Variants in ATM observed in about 807,000 individuals in gnomAD.
ATM encodes the protein ATM serine/threonine kinase.
A neutral mutation model predicts 387.0 loss-of-function variants in ATM; 308 were observed. The observed-to-expected ratio is 0.80, with a 90% CI of 0.73 to 0.87. The LOEUF is 0.87. Among genes scored for constraint, ATM ranks in the 40% least tolerant of loss-of-function variants. The pLI, the probability that ATM is intolerant of heterozygous loss-of-function variation, is 0.00. For missense variants in ATM, 3,312 were observed against 3,560.9 expected, an observed-to-expected ratio of 0.93 and a Z score of 1.78; for synonymous variants, 1,156 against 1,187.3, an observed-to-expected ratio of 0.97 and a Z score of 0.54.
chr11:108,280,100 T>C (rs1479960199), intron 23 of ATM, among the ~76,000 whole-genome samples: 2 of 152,206 alleles, frequency 1.3e-5, no homozygotes, highest in East Asian at 3.8e-4. Context: ...CCCTGGTTTG[T>C]TTCTTACAAG....
At position 108,227,827 on chromosome 11, in the gene ATM, C is replaced by CATCT; in HGVS notation, c.126_129dup (p.Asp44SerfsTer20). 1 of 1,613,602 alleles carries CATCT rather than the reference C, an allele frequency of 6.2e-7. No individual in the cohort carries two copies. The highest frequency in any genetic ancestry group is 2.2e-5 in the East Asian group (1 of 44,778). On this transcript the variant is annotated frameshift_variant, in exon 3 of 63. Coordinates refer to ENST00000675843, the MANE Select transcript of ATM (RefSeq NM_000051.4). LOFTEE classifies it high-confidence loss of function. ...GATTCGAGATCCTGAAACAATTAAA[C>CATCT]ATCTAGATCGGCATTCAGATTCCAA...
chr11:108,251,870 C>A lies in ATM; in HGVS notation c.1641C>A (p.Thr547=), dbSNP rs864622141. 7 of 1,613,778 alleles carry A rather than the reference C, an allele frequency of 4.3e-6. No individual in the cohort carries two copies. The highest frequency in any genetic ancestry group is 1.7e-5 in the Admixed American group (1 of 60,002). ...PAVCCLTLAL[T]TSIVPGTVKM... ...TATGCTGTTTGACTTTGGCACTGAC[C>A]ACCAGTATAGTTCCAGGAACGGTAA... Residue 547 remains threonine (T), a synonymous_variant, in exon 11 of 63, where the codon ACC becomes ACA. Transcript: ENST00000675843.
At chr11:108,271,453 G>A in intron 20 of ATM, 47 bp downstream of exon 20, 1 of 1,606,670 alleles carries the variant, frequency 6.2e-7, no homozygotes, top group African/African-American at 1.3e-5. Flanking sequence ...TGCTATCTGT[G>A]GATACGAATG....
Position 108,250,860 on chromosome 11 carries a change from T to G in ATM, c.1395T>G (p.Cys465Trp), listed in dbSNP as rs1240144277. The G allele has an allele frequency of 1.2e-6, 2 of 1,614,118 alleles. No homozygotes were observed. The highest frequency in any genetic ancestry group is 1.7e-6 in the Non-Finnish European group (2 of 1,180,018). Residue 465 changes from cysteine (C) to tryptophan (W), a missense_variant, in exon 10 of 63, where the codon TGT becomes TGG. By Grantham distance (215) the Cys-to-Trp change is radical (BLOSUM62 -2). Around this residue, in one of 4 missense-constraint regions of ATM, gnomAD observed 1,791 missense variants for 1,804.5 expected, o/e 0.99. Coordinates refer to ENST00000675843, the MANE Select transcript of ATM (RefSeq NM_000051.4). ...GATGCCTTACGGAAGTTGCATTGTGTCAAGACAAGAGGTCAAACCTAGAAA... is the reference window on the plus strand; with the variant it reads ...GATGCCTTACGGAAGTTGCATTGTGGCAAGACAAGAGGTCAAACCTAGAAA... ...VLRCLTEVAL[C>W]QDKRSNLESS...
In ATM at chr11:108,335,109, G is replaced by A. The variant is rs1591192550; in HGVS notation, c.8151G>A (p.Lys2717=). 3 of 1,613,980 alleles carry A rather than the reference G, an allele frequency of 1.9e-6. No individual in the cohort carries two copies. Among genetic ancestry groups the A allele is most frequent in the South Asian group, 1.1e-5 (1 of 91,082 alleles). ...SDGKERRQLV[K]GRDDLRQDAV... ...GCAAGGAGAGGAGACAGCTTGTTAA[G>A]GTGAGCCTTCCCTTCTCTGGCTTAG... is the stretch of plus-strand genomic sequence containing the variant. Residue 2717 remains lysine (K), a splice_region_variant and synonymous_variant, in exon 55 of 63, where the codon AAG becomes AAA. Transcript: ENST00000675843.
rs763068664 is a variant in ATM at position 108,330,239 on chromosome 11, C to A, written c.7333C>A (p.Leu2445Met). 6.2e-7 allele frequency: 1 copy of A among 1,614,136 alleles called. No individual in the cohort carries two copies. Among genetic ancestry groups the A allele is most frequent in the Non-Finnish European group, 8.5e-7 (1 of 1,180,012 alleles). The change falls in exon 50 of 63, where the codon CTG becomes ATG. Residue 2445 changes from leucine (L) to methionine (M), a missense_variant. Leu to Met is a conservative substitution (Grantham distance 15). Transcript: ENST00000675843. Reference protein sequence around the residue: ...NRYTVKVQRELELDELALRAL... With the variant: ...NRYTVKVQREMELDELALRAL... ...ATACACAGTAAAGGTTCAGCGAGAG[C>A]TGGAGTTGGATGAATTAGCCCTGCG...
chr11:108,330,809 A>G (rs916985799), intron 50 of ATM, among the ~76,000 whole-genome samples: 1 of 152,220 alleles, frequency 6.6e-6, no homozygotes, highest in Non-Finnish European at 1.5e-5. Flanking sequence ...CCTGCTGCAG[A>G]AATATGGGAT....
intron 37 of ATM, among the ~76,000 whole-genome samples, chr11:108,305,200 AACAAAC>A (rs1174426097): frequency 4.6e-5 from 7 of 152,228 alleles, no homozygotes; most frequent in African/African-American, 1.4e-4. Context: ...CAATGGAAAA[AACAAAC>A]ACAATCAGAT....
chr11:108,285,834 A>G (rs1242617524), intron 26 of ATM, among the ~76,000 whole-genome samples: 3 of 152,110 alleles, frequency 2.0e-5, no homozygotes, highest in Non-Finnish European at 4.4e-5. Context: ...CTCCCATTCA[A>G]TCTCCCAGCT....
chr11:108,352,233 A>G (rs539473253), intron 59 of ATM, among the ~76,000 whole-genome samples: 2 of 152,382 alleles, frequency 1.3e-5, no homozygotes, highest in East Asian at 3.9e-4. Flanking sequence ...TAAAGCAGCC[A>G]TCATAAAAAC....
intron 9 of ATM, among the ~76,000 whole-genome samples, chr11:108,250,417 C>CT (rs1340389721): frequency 1.3e-5 from 2 of 152,114 alleles, no homozygotes; most frequent in Non-Finnish European, 2.9e-5. Flanking sequence ...TCCCAAAGTG[C>CT]TGGGAAACCA....
intron 43 of ATM, among the ~76,000 whole-genome samples, chr11:108,317,929 G>A (rs1327377655): frequency 6.6e-6 from 1 of 151,924 alleles, no homozygotes; most frequent in Non-Finnish European, 1.5e-5. Context: ...TTGTTGGACT[G>A]AGGCATGCCA....
chr11:108,334,825 C>T (rs1049016919), intron 54 of ATM, 144 bp from the exon 55 acceptor site: 10 of 924,274 alleles, frequency 1.1e-5, no homozygotes, highest in South Asian at 9.6e-5. Context: ...CCACCACACC[C>T]GGCCTAAAGT....
chr11:108,318,770 A>G (rs533715889), intron 43 of ATM, among the ~76,000 whole-genome samples: 1 of 152,318 alleles, frequency 6.6e-6, no homozygotes, highest in South Asian at 2.1e-4. Flanking sequence ...TTCTGAATGA[A>G]AAGCCAAGCA....
rs1591602430 is a variant in ATM at position 108,271,105 on chromosome 11, C to G, written c.2880C>G (p.Pro960=). The G allele has an allele frequency of 6.2e-7, 1 of 1,614,080 alleles. No individual in the cohort carries two copies. Among genetic ancestry groups the G allele is most frequent in the Non-Finnish European group, 8.5e-7 (1 of 1,180,032 alleles). ...AGGAGCTTCCTGGAGAAGAGTACCC[C>G]TTGCCAATGGAAGATGTTCTTGAAC... ...LLKELPGEEY[P]LPMEDVLELL... Residue 960 remains proline, a synonymous_variant, in exon 19 of 63, where the codon CCC becomes CCG. Transcript: ENST00000675843.
rs199869975 is a variant in ATM, at chr11:108,248,947, T to A, written c.1080T>A (p.Asp360Glu). 1 of 1,609,360 alleles carries A rather than the reference T, an allele frequency of 6.2e-7. No individual in the cohort carries two copies. The change falls in exon 9 of 63, where the codon GAT becomes GAA. Residue 360 changes from aspartate to glutamate, a missense_variant. By Grantham distance (45) the Asp-to-Glu change is conservative. Transcript: ENST00000675843. ...ADICHQVFNE[D>E]TRSLEISQSY... is the part of the protein sequence containing the mutation. ...TTATTTTACAGGTTTTTAATGAAGA[T>A]ACCAGATCCTTGGAGATTTCTCAAT...
intron 42 of ATM, 29 bp from the exon 43 acceptor site, chr11:108,317,344 A>T (rs751400970): frequency 6.2e-7 from 1 of 1,603,388 alleles, no homozygotes; most frequent in South Asian, 1.1e-5. Flanking sequence ...TTGATTACTT[A>T]ACTTAAAAAC....
At chr11:108,346,465 A>C (rs1031918175) in intron 58 of ATM, 1 of 152,664 alleles carries the variant, frequency 6.6e-6, no homozygotes, top group Non-Finnish European at 1.5e-5. Flanking sequence ...ATGAGAACTA[A>C]TGTAAACATT....
chr11:108,260,946 G>A (rs1304021456), intron 16 of ATM, among the ~76,000 whole-genome samples: 7 of 152,048 alleles, frequency 4.6e-5, no homozygotes, highest in Non-Finnish European at 1.0e-4. Context: ...AAAAAACGGC[G>A]CACCACGAGA....
Sources: gnomAD v4.1 joint callset for allele counts (sites outside exome capture counted in the v4.1 genomes callset) on GRCh38, gnomAD v4.1.1 for gene constraint, gnomAD v4.1.1 regional missense constraint, MANE v1.5 for transcripts, NCBI Gene and HGNC (gene_info 2026-07-23, HGNC 2026-07-21) for gene names.